Variants in RPS6KA5 observed in about 807,000 individuals in gnomAD.
RPS6KA5 encodes ribosomal protein S6 kinase A5, also known as ribosomal protein S6 kinase alpha-5.
In RPS6KA5, 27 loss-of-function variants were observed where a neutral mutation model predicts 85.5. The observed-to-expected ratio is 0.32, with a 90% CI of 0.23 to 0.44. The LOEUF (loss-of-function observed/expected upper bound fraction) is 0.44. RPS6KA5 is among the 20% of genes least tolerant of loss of function. RPS6KA5 has a pLI of 1.00. For synonymous variants in RPS6KA5, 334 were observed against 348.2 expected (o/e 0.96, Z 0.46); for missense variants, 811 against 980.9 (o/e 0.83, Z 2.31).
chr14:90,976,134 CAT>C (rs1418627035), intron 3 of RPS6KA5, among the ~76,000 whole-genome samples: 4 of 136,616 alleles, frequency 2.9e-5, no homozygotes, highest in African/African-American at 5.5e-5. Context: ...CTAAATTTAA[CAT>C]GTTTTATAAA....
intron 1 of RPS6KA5, among the ~76,000 whole-genome samples, chr14:91,003,808 T>C (rs114651640): frequency 0.018 from 2,750 of 152,334 alleles, 65 homozygotes; most frequent in African/African-American, 0.064. Context: ...TGAAAAGAGC[T>C]TAGCCCTGGG....
chr14:91,020,298 A>C (rs901912464), intron 1 of RPS6KA5, among the ~76,000 whole-genome samples: 2 of 151,986 alleles, frequency 1.3e-5, no homozygotes, highest in African/African-American at 4.8e-5. Flanking sequence ...TATTCAAAAA[A>C]AGTGATGAAA....
At chr14:91,059,836 G>C (rs138191309) in intron 1 of RPS6KA5, among the ~76,000 whole-genome samples, 1 of 152,320 alleles carries the variant, frequency 6.6e-6, no homozygotes, top group African/African-American at 2.4e-5. Context: ...GAAACCTCCC[G>C]TTTATCTCCT....
At position 90,899,316 on chromosome 14, in the gene RPS6KA5, AAAAGT is replaced by A. The variant is rs769045026; in HGVS notation, c.1473+8_1473+12del. On this transcript the variant is annotated splice_region_variant and intron_variant, in intron 12 of 16. Coordinates refer to ENST00000614987, the MANE Select transcript of RPS6KA5 (RefSeq NM_004755.4). ...AGTACACATGGGAAAAAAAAAAAAA[AAAAGT>A]AGGATACCTGATCATGAAAAACTTC... 6.2e-4 allele frequency: 977 copies of A among 1,569,970 alleles called. 4 individuals are homozygous for A. The African/African-American group carries it at 0.011, about 18-fold the overall frequency.
chr14:90,964,488 G>C (rs2038959878), intron 3 of RPS6KA5, among the ~76,000 whole-genome samples: 1 of 152,144 alleles, frequency 6.6e-6, no homozygotes, highest in African/African-American at 2.4e-5. Context: ...AGAAGTGTAG[G>C]ATTTTCTGGC....
intron 3 of RPS6KA5, among the ~76,000 whole-genome samples, chr14:90,953,637 A>G (rs2038341041): frequency 6.6e-6 from 1 of 152,204 alleles, no homozygotes. Context: ...CTAGCAAGGA[A>G]TATTAGTAAT....
chr14:90,868,487 A>AT lies in RPS6KA5; in HGVS notation c.*3586dup, dbSNP rs1226295141. 6 of 152,222 alleles carry AT rather than the reference A, an allele frequency of 3.9e-5. No homozygotes were observed. Among genetic ancestry groups the AT allele is most frequent in the Admixed American group, 3.9e-4 (6 of 15,286 alleles). The allele number at this position is 152,222 out of a possible 1,614,324, so 9.4% of individuals were successfully genotyped here. On this transcript the variant is annotated 3_prime_UTR_variant, in exon 17 of 17. Coordinates refer to ENST00000614987, the MANE Select transcript of RPS6KA5 (RefSeq NM_004755.4). ...TCATCTATATAACAATTATTTTGACATAAGTGGCATATCAGAATTTAACTT... is the reference window on the plus strand; with the variant it reads ...TCATCTATATAACAATTATTTTGACATTAAGTGGCATATCAGAATTTAACTT...
At chr14:91,040,267 G>C (rs1364581153) in intron 1 of RPS6KA5, among the ~76,000 whole-genome samples, 1 of 152,194 alleles carries the variant, frequency 6.6e-6, no homozygotes, top group Non-Finnish European at 1.5e-5. Flanking sequence ...AAATTAGTGG[G>C]TGTGGTGGCG....
chr14:90,997,986 T>C (rs1325929452), intron 2 of RPS6KA5, among the ~76,000 whole-genome samples: 1 of 115,622 alleles, frequency 8.6e-6, no homozygotes, highest in Non-Finnish European at 1.6e-5. Flanking sequence ...CCAACCTGGG[T>C]GGCACAGCGA....
At chr14:90,931,955 G>A (rs1470345714) in intron 5 of RPS6KA5, among the ~76,000 whole-genome samples, 2 of 152,130 alleles carry the variant, frequency 1.3e-5, no homozygotes, top group African/African-American at 2.4e-5. Flanking sequence ...TAAAAAACAT[G>A]GTAATAGTAT....
At chr14:91,042,494 A>G (rs920675059) in intron 1 of RPS6KA5, among the ~76,000 whole-genome samples, 5 of 152,144 alleles carry the variant, frequency 3.3e-5, no homozygotes, top group African/African-American at 7.2e-5. Context: ...CTGGGCACAG[A>G]GTGAGACTCC....
intron 1 of RPS6KA5, among the ~76,000 whole-genome samples, chr14:91,055,204 T>C (rs2043262557): frequency 6.6e-6 from 1 of 152,234 alleles, no homozygotes; most frequent in African/African-American, 2.4e-5. Flanking sequence ...GACAACAGTT[T>C]GGCAGTTTCT....
chr14:90,898,184 C>T (rs146612254), intron 12 of RPS6KA5, among the ~76,000 whole-genome samples: 1 of 152,324 alleles, frequency 6.6e-6, no homozygotes, highest in East Asian at 1.9e-4. Context: ...AGCCTTACCA[C>T]ACTTACCAAC....
intron 1 of RPS6KA5, among the ~76,000 whole-genome samples, chr14:91,057,563 C>G (rs991395381): frequency 6.6e-6 from 1 of 152,170 alleles, no homozygotes; most frequent in Non-Finnish European, 1.5e-5. Flanking sequence ...TCCACACAGG[C>G]TGCTGAGCAG....
chr14:90,952,071 T>C (rs1046645011), intron 3 of RPS6KA5, among the ~76,000 whole-genome samples: 2 of 152,224 alleles, frequency 1.3e-5, no homozygotes, highest in Non-Finnish European at 2.9e-5. Flanking sequence ...CCCAGGCACC[T>C]TGGATTGCTT....
chr14:90,980,828 G>A (rs770949201), intron 2 of RPS6KA5, among the ~76,000 whole-genome samples: 25 of 152,224 alleles, frequency 1.6e-4, no homozygotes, highest in Non-Finnish European at 3.4e-4. Context: ...CCAAGAGGAG[G>A]AAGTTTTGCA....
At chr14:90,974,487 T>C (rs1405271166) in intron 3 of RPS6KA5, among the ~76,000 whole-genome samples, 2 of 152,226 alleles carry the variant, frequency 1.3e-5, no homozygotes, top group African/African-American at 4.8e-5. Flanking sequence ...GTGAAGTCTA[T>C]TTCTGCATCC....
rs1566660282 is a variant in RPS6KA5 at position 90,857,368 on chromosome 14, G to A, written c.*14706C>T. ...TCACGAAGCATTTAATAAGTGCTTA[G>A]TTGCATCTGAAATGTTTTTCAAAAA... On this transcript the variant is annotated 3_prime_UTR_variant, in exon 17 of 17. Transcript: ENST00000614987. The A allele has an allele frequency of 6.6e-6, 1 of 152,208 alleles. No individual in the cohort carries two copies. The highest frequency in any genetic ancestry group is 1.5e-5 in the Non-Finnish European group (1 of 68,032). The allele number at this position is 152,208 out of a possible 1,614,324, so 9.4% of individuals were successfully genotyped here.
At chr14:90,912,507 A>AT (rs1440004715) in intron 7 of RPS6KA5, among the ~76,000 whole-genome samples, 6 of 152,232 alleles carry the variant, frequency 3.9e-5, no homozygotes, top group African/African-American at 1.4e-4. Flanking sequence ...GTAAAACTGC[A>AT]TATGCTACCA....
Sources: allele counts gnomAD v4.1 joint callset (sites outside exome capture counted in the v4.1 genomes callset), GRCh38; gene constraint gnomAD v4.1.1; transcripts MANE v1.5; gene names NCBI Gene and HGNC (gene_info 2026-07-23, HGNC 2026-07-21).